MGAM2: variants seen among roughly 807,000 people sequenced by gnomAD.
The protein encoded by MGAM2 is maltase-glucoamylase 2 (putative), also known as probable maltase-glucoamylase 2.
MGAM2 carries 98 observed loss-of-function variants against 96.1 expected under a neutral mutation model. The ratio of observed to expected loss-of-function variants is 1.02; its 90% CI spans 0.87 to 1.21. The LOEUF is 1.21. MGAM2 is among the 50% of genes most tolerant of loss of function. The pLI is 0.00. For synonymous variants in MGAM2, 749 were observed against 414.8 expected, an observed-to-expected ratio of 1.81 and a Z score of -9.79; for missense variants, 2,055 against 1,182.4, an observed-to-expected ratio of 1.74 and a Z score of -10.82.
chr7:142,154,966 G>T (rs766991855), intron 17 of MGAM2, 121 bp downstream of exon 17: 10 of 634,132 alleles, frequency 1.6e-5, no homozygotes, highest in African/African-American at 1.8e-5. Context: ...GGATAAAAAA[G>T]TCTTGTATCA....
chr7:142,157,258 T>TGAGAAACCTCAATATGTAAAATAAATTG, intron 17 of MGAM2, among the ~76,000 whole-genome samples: 2 of 152,154 alleles, frequency 1.3e-5, no homozygotes, highest in Admixed American at 1.3e-4. Context: ...AAATAAAATA[T>TGAGAAACCTCAATATGTAAAATAAATTG]GAGAAACCTC....
At chr7:142,167,706 A>G (rs1445731107) in intron 26 of MGAM2, among the ~76,000 whole-genome samples, 1 of 152,050 alleles carries the variant, frequency 6.6e-6, no homozygotes, top group East Asian at 1.9e-4. Context: ...CCAAGTAGCC[A>G]GGACTATAGG....
At chr7:142,159,974 G>C (rs1795841062) in intron 20 of MGAM2, among the ~76,000 whole-genome samples, 160 bp from the exon 21 acceptor site, 1 of 152,152 alleles carries the variant, frequency 6.6e-6, no homozygotes, top group Non-Finnish European at 1.5e-5. Context: ...TGTCAGCTCT[G>C]CCCTCTACTA....
At position 142,198,171 on chromosome 7, in the gene MGAM2, A is replaced by G. The variant is rs1438124467; in HGVS notation, c.4899A>G (p.Arg1633=). The G allele has an allele frequency of 2.8e-6, 2 of 702,944 alleles. No homozygotes were observed. Among genetic ancestry groups the G allele is most frequent in the Non-Finnish European group, 5.2e-6 (2 of 384,920 alleles). The allele number at this position is 702,944 out of a possible 1,614,324, so 43.5% of individuals were successfully genotyped here. Reference sequence around the variant, plus strand: ...TTGAGATCTCTGCTTATTTTCCGAGAGCCCGTTGGTATGACTATAGCACGG... The same window carrying G: ...TTGAGATCTCTGCTTATTTTCCGAGGGCCCGTTGGTATGACTATAGCACGG... ...STFEISAYFP[R]ARWYDYSTGT... Residue 1633 remains arginine (R), a synonymous_variant, in exon 43 of 48, where the codon AGA becomes AGG. Transcript: ENST00000477922.
chr7:142,199,857 A>G (rs1020351512), intron 44 of MGAM2, 23 bp from the exon 45 acceptor site: 7 of 615,272 alleles, frequency 1.1e-5, no homozygotes, highest in East Asian at 8.5e-5. Flanking sequence ...GAGAAAAATA[A>G]CTCTTTTTTT....
At chr7:142,124,263 C>T (rs1489594553) in intron 3 of MGAM2, among the ~76,000 whole-genome samples, 1 of 152,124 alleles carries the variant, frequency 6.6e-6, no homozygotes, top group African/African-American at 2.4e-5. Flanking sequence ...TGAGCCACCA[C>T]ACCTGGCCCA....
intron 45 of MGAM2, among the ~76,000 whole-genome samples, chr7:142,202,151 A>G (rs1390501569): frequency 1.3e-5 from 2 of 152,210 alleles, no homozygotes; most frequent in Non-Finnish European, 2.9e-5. Flanking sequence ...AGAAAGCAGA[A>G]CAGTAGTTGC....
At position 142,137,451 on chromosome 7, in the gene MGAM2, C is replaced by A; in HGVS notation, c.866C>A (p.Ala289Asp). Residue 289 changes from alanine (A) to aspartate (D), a missense_variant, in exon 9 of 48, where the codon GCT (alanine) becomes GAT (aspartate). Transcript: ENST00000477922. ...TTTTCAGAGGTTACCCTTCAGCCAGCTCCTGCGATCACTTATCGCACGATT... is the reference window on the plus strand; with the variant it reads ...TTTTCAGAGGTTACCCTTCAGCCAGATCCTGCGATCACTTATCGCACGATT... ...SNAMEVTLQPAPAITYRTIGG... is the reference protein window; with the variant it reads ...SNAMEVTLQPDPAITYRTIGG... 1.4e-6 allele frequency: 1 copy of A among 700,044 alleles called. No homozygotes were observed. The highest frequency in any genetic ancestry group is 1.5e-5 in the South Asian group (1 of 67,146). The allele number at this position is 700,044 out of a possible 1,614,324, so 43.4% of individuals were successfully genotyped here.
At chr7:142,157,270 A>G (rs1795762212) in intron 17 of MGAM2, among the ~76,000 whole-genome samples, 1 of 152,210 alleles carries the variant, frequency 6.6e-6, no homozygotes, top group Admixed American at 6.5e-5. Context: ...AGAAACCTCA[A>G]TATGTAAAAT....
In MGAM2 at chr7:142,131,956, A is replaced by G; in HGVS notation, c.446A>G (p.Tyr149Cys). The G allele has an allele frequency of 1.4e-6, 1 of 702,782 alleles. No homozygotes were observed. Among genetic ancestry groups the G allele is most frequent in the Non-Finnish European group, 2.6e-6 (1 of 384,904 alleles). The allele number at this position is 702,782 out of a possible 1,614,324, so 43.5% of individuals were successfully genotyped here. Residue 149 changes from tyrosine (Y) to cysteine (C), a missense_variant, in exon 6 of 48, where the codon TAT (tyrosine) becomes TGT (cysteine). Tyr to Cys is a radical substitution (Grantham distance 194). Transcript: ENST00000477922. ...ATCACTGACTTTAATAACATACGCT[A>G]TGAAGTTTCCCATGAAAATATTAAC... is the stretch of plus-strand genomic sequence containing the variant. ...FKITDFNNIR[Y>C]EVSHENINLV...
chr7:142,185,316 G>A (rs561552416), intron 34 of MGAM2, among the ~76,000 whole-genome samples, 177 bp downstream of exon 34: 7 of 152,234 alleles, frequency 4.6e-5, no homozygotes, highest in East Asian at 3.9e-4. Flanking sequence ...AACAAACAGC[G>A]AACATGGAAA....
rs77189403 is a variant in MGAM2, at chr7:142,134,146, C to A, written c.741C>A (p.Pro247=). The A allele has an allele frequency of 1.3e-6, 1 of 742,876 alleles. No individual in the cohort carries two copies. The highest frequency in any genetic ancestry group is 2.5e-6 in the Non-Finnish European group (1 of 406,230). 46.0% of individuals were successfully genotyped at this position (742,876 alleles called of 1,614,324 possible). The stretch of plus-strand genomic sequence containing the variant: ...CCATCTTCACCCGGGACGCTACCCC[C>A]ACCGAGGTGAGGTGGCTTTCCTCCT... ...TWPIFTRDAT[P]TEGMINLYGA... The change falls in exon 7 of 48, where the codon CCC becomes CCA. Residue 247 remains proline, a synonymous_variant. Transcript: ENST00000477922.
rs1796592384 is a variant in MGAM2 at position 142,183,147 on chromosome 7, T to C, written c.3817-119T>C. The C allele has an allele frequency of 1.8e-5, 11 of 597,650 alleles. No homozygotes were observed. In the South Asian group the frequency reaches 2.2e-4, roughly 12 times the overall value. The allele number at this position is 597,650 out of a possible 1,614,324, so 37.0% of individuals were successfully genotyped here. A position where few individuals can be genotyped will look rare whatever the true frequency, so the allele number is the denominator to read the frequency against. The stretch of plus-strand genomic sequence containing the variant: ...TCAATGATTTTTATTTTATTTCATT[T>C]TATTTTTGGTATTGAGATTCACCAT... On this transcript the variant is annotated intron_variant, in intron 32 of 47. Coordinates refer to ENST00000477922, the MANE Select transcript of MGAM2 (RefSeq NM_001293626.2).
chr7:142,175,276 A>G (rs1410798547), intron 31 of MGAM2, among the ~76,000 whole-genome samples: 1 of 152,232 alleles, frequency 6.6e-6, no homozygotes, highest in Non-Finnish European at 1.5e-5. Flanking sequence ...AACCCCAGAT[A>G]TACAATCCTG....
chr7:142,196,284 A>T lies in MGAM2; in HGVS notation c.4477A>T (p.Ile1493Phe). 1 of 756,990 alleles carries T rather than the reference A, an allele frequency of 1.3e-6. No individual in the cohort carries two copies. The highest frequency in any genetic ancestry group is 2.7e-5 in the East Asian group (1 of 37,472). The allele number at this position is 756,990 out of a possible 1,614,324, so 46.9% of individuals were successfully genotyped here. The stretch of plus-strand genomic sequence containing the variant: ...ATGGGACCAGCTGGGGAAATCTATC[A>T]TTGGTGTGTGGGCTCATTCCCAGGG... Reference protein sequence around the residue: ...AAWDQLGKSIIGMMEFSLFGI... With the variant: ...AAWDQLGKSIFGMMEFSLFGI... Residue 1493 changes from isoleucine (I) to phenylalanine (F), a missense_variant, in exon 38 of 48, where the codon ATT (isoleucine) becomes TTT (phenylalanine). Physicochemically the swap from Ile to Phe is conservative, Grantham distance 21. Transcript: ENST00000477922.
chr7:142,188,151 C>T (rs1012791853), intron 36 of MGAM2, among the ~76,000 whole-genome samples: 21 of 145,708 alleles, frequency 1.4e-4, no homozygotes, highest in African/African-American at 4.5e-4. Flanking sequence ...CACACACACA[C>T]GTGGAGAGAT....
rs536763042 is a variant in MGAM2 at position 142,142,653 on chromosome 7, G to A, written c.1318-1116G>A. ...CAACCTCTGCCTCCCAGGTTCAAGC[G>A]ATTCTCCTGCCTTAGCCTCCCAGGT... On this transcript the variant is annotated intron_variant, in intron 12 of 47. Coordinates refer to ENST00000477922, the MANE Select transcript of MGAM2 (RefSeq NM_001293626.2). 1.5e-4 allele frequency among the ~76,000 whole-genome samples: 22 copies of A among 150,848 alleles called. No homozygotes were observed. The East Asian group carries it at 4.2e-3, about 29-fold the overall frequency.
At chr7:142,117,738 A>G (rs139009327) in intron 2 of MGAM2, among the ~76,000 whole-genome samples, 3 of 152,262 alleles carry the variant, frequency 2.0e-5, no homozygotes, top group Admixed American at 2.0e-4. Flanking sequence ...TCTGAAAACC[A>G]TTGATATAAG....
rs552391924 is a variant in MGAM2 at position 142,213,260 on chromosome 7, A to T, written c.5187+4638A>T. Among the ~76,000 whole-genome samples, 23 of 152,316 alleles carry T rather than the reference A, an allele frequency of 1.5e-4. 1 individual carries two copies. In the South Asian group the frequency reaches 3.3e-3, roughly 22 times the overall value. ...AACACCCTAACATCATAGTTAAAAGAGCTAGAGAAGCAAGGGCAAACAAGT... is the reference window on the plus strand; with the variant it reads ...AACACCCTAACATCATAGTTAAAAGTGCTAGAGAAGCAAGGGCAAACAAGT... On this transcript the variant is annotated intron_variant, in intron 46 of 47. Coordinates refer to ENST00000477922, the MANE Select transcript of MGAM2 (RefSeq NM_001293626.2).
Sources: gnomAD v4.1 joint callset for allele counts (sites outside exome capture counted in the v4.1 genomes callset) on GRCh38, gnomAD v4.1.1 for gene constraint, MANE v1.5 for transcripts, NCBI Gene and HGNC (gene_info 2026-07-23, HGNC 2026-07-21) for gene names.